CPA6: variants seen among roughly 807,000 people sequenced by gnomAD.
CPA6 encodes carboxypeptidase A6, also known as carboxypeptidase B.
CPA6 carries 58 observed loss-of-function variants against 63.3 expected under a neutral mutation model. The ratio of observed to expected loss-of-function variants is 0.92; its 90% CI spans 0.74 to 1.14. The LOEUF (loss-of-function observed/expected upper bound fraction) is 1.14. Among genes scored for constraint, CPA6 ranks in the 50% most tolerant of loss-of-function variants. The pLI is 0.00. For missense variants in CPA6, 565 were observed against 526.6 expected (o/e 1.07, Z -0.71); for synonymous variants, 185 against 179.0 (o/e 1.03, Z -0.27).
At chr8:67,483,426 G>A (rs1811400870) in intron 8 of CPA6, 1 of 342,770 alleles carries the variant, frequency 2.9e-6, no homozygotes, top group Non-Finnish European at 5.5e-6. Context: ...GTATGAAAAG[G>A]ATAAAAAGAT....
At chr8:67,576,748 C>T (rs1479858401) in intron 2 of CPA6, among the ~76,000 whole-genome samples, 1 of 152,138 alleles carries the variant, frequency 6.6e-6, no homozygotes, top group Non-Finnish European at 1.5e-5. Context: ...CTATAGGATG[C>T]ATTCTTATCA....
At chr8:67,456,624 G>A (rs971507914) in intron 8 of CPA6, among the ~76,000 whole-genome samples, 2 of 152,120 alleles carry the variant, frequency 1.3e-5, no homozygotes, top group Non-Finnish European at 2.9e-5. Context: ...CAAGATAAAG[G>A]GGCTAGATGA....
chr8:67,615,505 G>A, intron 2 of CPA6, among the ~76,000 whole-genome samples: 1 of 148,042 alleles, frequency 6.8e-6, no homozygotes. Context: ...GAATAAAAAA[G>A]GTGACCTACA....
At chr8:67,526,716 G>A (rs1408880792) in intron 2 of CPA6, among the ~76,000 whole-genome samples, 1 of 152,066 alleles carries the variant, frequency 6.6e-6, no homozygotes, top group Non-Finnish European at 1.5e-5. Flanking sequence ...GGCCTGTGCT[G>A]GTCCACCCAG....
At chr8:67,480,844 T>C (rs1375820037) in intron 8 of CPA6, among the ~76,000 whole-genome samples, 1 of 152,222 alleles carries the variant, frequency 6.6e-6, no homozygotes, top group Non-Finnish European at 1.5e-5. Context: ...ATTGTCTTTT[T>C]ATTATAGCCG....
chr8:67,560,160 G>GGTATAT (rs140053012), intron 2 of CPA6, among the ~76,000 whole-genome samples: 1 of 140,050 alleles, frequency 7.1e-6, no homozygotes, highest in East Asian at 2.0e-4. Context: ...TGTATTTCCG[G>GGTATAT]ATATATATAT....
At chr8:67,562,505 G>A (rs1039278502) in intron 2 of CPA6, among the ~76,000 whole-genome samples, 6 of 152,106 alleles carry the variant, frequency 3.9e-5, no homozygotes, top group East Asian at 1.9e-4. Flanking sequence ...CTCTGCATTC[G>A]TTTTGTGGTT....
chr8:67,471,174 C>T (rs1020043350), intron 8 of CPA6, among the ~76,000 whole-genome samples: 6 of 152,100 alleles, frequency 3.9e-5, no homozygotes, highest in East Asian at 1.9e-4. Context: ...TCTCCCAATG[C>T]GGGCCTTTAC....
intron 1 of CPA6, among the ~76,000 whole-genome samples, chr8:67,732,412 C>T (rs72659216): frequency 0.013 from 2,015 of 152,332 alleles, 26 homozygotes; most frequent in Non-Finnish European, 0.023. Flanking sequence ...CCTTCCTCCT[C>T]TTCTTCCCTC....
chr8:67,524,734 C>A (rs1312642027), intron 2 of CPA6, among the ~76,000 whole-genome samples: 1 of 150,936 alleles, frequency 6.6e-6, no homozygotes, highest in African/African-American at 2.5e-5. Flanking sequence ...ATATTTGTTT[C>A]CCCCATTCTC....
At chr8:67,460,092 G>A (rs1384346086) in intron 8 of CPA6, among the ~76,000 whole-genome samples, 1 of 152,152 alleles carries the variant, frequency 6.6e-6, no homozygotes, top group Non-Finnish European at 1.5e-5. Flanking sequence ...AGCGTGACCT[G>A]GGTGCCTCTA....
At chr8:67,610,651 C>A (rs1024147306) in intron 2 of CPA6, among the ~76,000 whole-genome samples, 2 of 152,148 alleles carry the variant, frequency 1.3e-5, no homozygotes, top group Non-Finnish European at 2.9e-5. Context: ...GTGAAGGGAA[C>A]CATGTTTGTC....
intron 8 of CPA6, among the ~76,000 whole-genome samples, chr8:67,446,606 T>C (rs1810422411): frequency 6.6e-6 from 1 of 152,236 alleles, no homozygotes; most frequent in South Asian, 2.1e-4. Flanking sequence ...TGACAGCAAC[T>C]GGTCCCTGTG....
rs192218185 is a variant in CPA6 at position 67,630,904 on chromosome 8, A to G, written c.117-6653T>C. On this transcript the variant is annotated intron_variant, in intron 1 of 10. Transcript: ENST00000297770. ...CGGAGGCTGCACTGGGTCCTCCAGC[A>G]GTGCCGGCCCACTGGTGCCATGCTT... is the stretch of plus-strand genomic sequence containing the variant. Among the ~76,000 whole-genome samples the G allele has an allele frequency of 5.9e-3, 900 of 152,352 alleles. 8 individuals carry two copies. Among genetic ancestry groups the G allele is most frequent in the African/African-American group, 0.02 (841 of 41,580 alleles).
chr8:67,506,747 G>A (rs762771488), intron 6 of CPA6, 40 bp downstream of exon 6: 1 of 1,319,156 alleles, frequency 7.6e-7, no homozygotes, highest in South Asian at 1.2e-5. Flanking sequence ...GGGAAGCACT[G>A]ACTAGCTGAA....
intron 2 of CPA6, among the ~76,000 whole-genome samples, chr8:67,592,096 A>G (rs1814143769): frequency 6.6e-6 from 1 of 152,170 alleles, no homozygotes; most frequent in Non-Finnish European, 1.5e-5. Context: ...TTTAGCTTGA[A>G]GGGTTGTTGA....
chr8:67,686,128 C>T (rs1431381684), intron 1 of CPA6, among the ~76,000 whole-genome samples: 1 of 152,150 alleles, frequency 6.6e-6, no homozygotes, highest in Non-Finnish European at 1.5e-5. Flanking sequence ...GACCAGAACC[C>T]CATTTTCCTT....
chr8:67,475,934 C>CTT (rs1363764433), intron 8 of CPA6, among the ~76,000 whole-genome samples: 1,902 of 47,512 alleles, frequency 0.04, 85 homozygotes, highest in African/African-American at 0.046. Context: ...TTCTTTCTTT[C>CTT]TCTTTCTTTC....
At chr8:67,706,960 A>G (rs1817149378) in intron 1 of CPA6, among the ~76,000 whole-genome samples, 3 of 152,140 alleles carry the variant, frequency 2.0e-5, no homozygotes, top group Admixed American at 2.0e-4. Context: ...TATAATTCTG[A>G]TATAATTTAG....
Sources: allele counts gnomAD v4.1 joint callset (sites outside exome capture counted in the v4.1 genomes callset), GRCh38; gene constraint gnomAD v4.1.1; transcripts MANE v1.5; gene names NCBI Gene and HGNC (gene_info 2026-07-23, HGNC 2026-07-21).